The following AGMO variants were observed in gnomAD, a reference collection of about 807,000 sequenced individuals.
AGMO encodes the protein glyceryl-ether monooxygenase.
AGMO carries 75 observed loss-of-function variants against 60.2 expected under a neutral mutation model. The observed-to-expected ratio is 1.25, with a 90% CI of 1.03 to 1.51. AGMO has a LOEUF of 1.51. Among genes scored for constraint, AGMO ranks in the 40% most tolerant of loss-of-function variants. The pLI, the probability that AGMO is intolerant of heterozygous loss-of-function variation, is 0.00. For missense variants in AGMO, 763 were observed against 525.5 expected (o/e 1.45, Z -4.42); for synonymous variants, 261 against 177.1 (o/e 1.47, Z -3.76).
chr7:15,205,655 C>T (rs1041026847), intron 12 of AGMO, among the ~76,000 whole-genome samples: 1 of 151,956 alleles, frequency 6.6e-6, no homozygotes, highest in Non-Finnish European at 1.5e-5. Flanking sequence ...ATGGCATTTT[C>T]GTGAAGATGT....
Position 15,559,867 on chromosome 7 carries a change from T to C in AGMO, c.257+274A>G, listed in dbSNP as rs555555873. Among the ~76,000 whole-genome samples the C allele has an allele frequency of 4.7e-4, 71 of 152,114 alleles. 1 individual carries two copies. The Middle Eastern group carries it at 0.017, about 36-fold the overall frequency. Reference sequence around the variant, plus strand: ...ACAATTTTAATAGAGAACCAGACCATAACTCAGAGTTGGAACCTCAATAAG... The same window carrying C: ...ACAATTTTAATAGAGAACCAGACCACAACTCAGAGTTGGAACCTCAATAAG... On this transcript the variant is annotated intron_variant, in intron 2 of 12. Coordinates refer to ENST00000342526, the MANE Select transcript of AGMO (RefSeq NM_001004320.2).
intron 3 of AGMO, 55 bp downstream of exon 3, chr7:15,544,717 A>G: frequency 7.4e-7 from 1 of 1,358,910 alleles, no homozygotes; most frequent in Non-Finnish European, 9.8e-7. Context: ...AATATGTACT[A>G]TGTACCAAAC....
intron 5 of AGMO, among the ~76,000 whole-genome samples, chr7:15,415,981 A>T (rs542991504): frequency 6.6e-6 from 1 of 151,982 alleles, no homozygotes; most frequent in African/African-American, 2.4e-5. Flanking sequence ...TTTCAAAAAA[A>T]GAGGATGACA....
chr7:15,278,281 A>C (rs2128517494), intron 12 of AGMO, among the ~76,000 whole-genome samples: 1 of 152,238 alleles, frequency 6.6e-6, no homozygotes, highest in African/African-American at 2.4e-5. Context: ...GGTGGGCATT[A>C]GCTGAGGTGG....
chr7:15,369,197 C>A (rs903239858), intron 10 of AGMO, among the ~76,000 whole-genome samples: 3 of 152,080 alleles, frequency 2.0e-5, no homozygotes, highest in Non-Finnish European at 4.4e-5. Context: ...ATCTCCCCAA[C>A]AATTGTTGAA....
the AGMO span, among the ~76,000 whole-genome samples, chr7:15,120,388 T>C: frequency 1.3e-5 from 2 of 152,200 alleles, no homozygotes; most frequent in African/African-American, 2.4e-5. Context: ...TAATATGTTA[T>C]GGACTAAATG....
chr7:15,449,229 G>T (rs746256092), intron 3 of AGMO, among the ~76,000 whole-genome samples: 1 of 152,168 alleles, frequency 6.6e-6, no homozygotes, highest in Non-Finnish European at 1.5e-5. Context: ...GCTGAGACTT[G>T]ATTGACCAAG....
At chr7:15,239,876 T>C (rs1782538258) in intron 12 of AGMO, among the ~76,000 whole-genome samples, 1 of 152,146 alleles carries the variant, frequency 6.6e-6, no homozygotes, top group Admixed American at 6.5e-5. Flanking sequence ...ATGCAGACCT[T>C]ATGATTTTGT....
At chr7:15,356,050 G>T (rs1782519012) in intron 12 of AGMO, among the ~76,000 whole-genome samples, 1 of 152,126 alleles carries the variant, frequency 6.6e-6, no homozygotes, top group Non-Finnish European at 1.5e-5. Context: ...TTTCCCAAAT[G>T]GACAATAGGT....
At chr7:15,435,560 T>C (rs1781377165) in intron 3 of AGMO, among the ~76,000 whole-genome samples, 2 of 152,178 alleles carry the variant, frequency 1.3e-5, no homozygotes, top group African/African-American at 4.8e-5. Context: ...GCCCATATTT[T>C]AAATGGGTTG....
the AGMO span, among the ~76,000 whole-genome samples, chr7:15,131,191 C>A: frequency 6.6e-6 from 1 of 152,052 alleles, no homozygotes; most frequent in African/African-American, 2.4e-5. Flanking sequence ...CATACAGAAT[C>A]TTGTTGATCT....
chr7:15,258,416 G>T (rs1269386639), intron 12 of AGMO, among the ~76,000 whole-genome samples: 2 of 151,826 alleles, frequency 1.3e-5, no homozygotes, highest in South Asian at 2.1e-4. Context: ...GTGGTGGCAG[G>T]CGCCTGTAGT....
chr7:15,555,752 C>A (rs1388658353), intron 2 of AGMO, among the ~76,000 whole-genome samples: 1 of 151,886 alleles, frequency 6.6e-6, no homozygotes, highest in Non-Finnish European at 1.5e-5. Flanking sequence ...AAGCAGTGAA[C>A]CTTGCATTCA....
chr7:15,313,389 G>A (rs1431345460), intron 12 of AGMO, among the ~76,000 whole-genome samples: 1 of 152,162 alleles, frequency 6.6e-6, no homozygotes, highest in Non-Finnish European at 1.5e-5. Context: ...TGCTGCTTAA[G>A]TGTTCAAAGA....
intron 12 of AGMO, among the ~76,000 whole-genome samples, chr7:15,288,859 A>AT (rs1563071355): frequency 4.4e-3 from 654 of 147,342 alleles, no homozygotes; most frequent in African/African-American, 0.014. Context: ...AATAAAAAAA[A>AT]AAAAAATATA....
chr7:15,124,840 C>T, the AGMO span, among the ~76,000 whole-genome samples: 1 of 152,038 alleles, frequency 6.6e-6, no homozygotes, highest in South Asian at 2.1e-4. Context: ...GTGCCTCCCA[C>T]AAAGGCTGAA....
At chr7:15,173,653 T>C in the AGMO span, among the ~76,000 whole-genome samples, 1 of 152,062 alleles carries the variant, frequency 6.6e-6, no homozygotes, top group Non-Finnish European at 1.5e-5. Flanking sequence ...TTATACATTA[T>C]AGAATCATAA....
At chr7:15,348,479 C>T (rs2128552765) in intron 12 of AGMO, among the ~76,000 whole-genome samples, 1 of 152,078 alleles carries the variant, frequency 6.6e-6, no homozygotes, top group Non-Finnish European at 1.5e-5. Context: ...AAGACAGTAA[C>T]ACAAATTTGA....
chr7:15,529,635 T>TGA (rs1364299612), intron 3 of AGMO, among the ~76,000 whole-genome samples: 1 of 11,698 alleles, frequency 8.5e-5, no homozygotes, highest in Non-Finnish European at 1.4e-4. Context: ...ATATATAGAA[T>TGA]ATATATATAT....
Sources: gnomAD v4.1 joint callset for allele counts (sites outside exome capture counted in the v4.1 genomes callset) on GRCh38, gnomAD v4.1.1 for gene constraint, MANE v1.5 for transcripts, NCBI Gene and HGNC (gene_info 2026-07-23, HGNC 2026-07-21) for gene names.